The following FOXP1 variants were observed in gnomAD, a reference collection of about 807,000 sequenced individuals.
FOXP1 encodes forkhead box protein P1.
A neutral mutation model predicts 98.2 loss-of-function variants in FOXP1; 15 were observed. The observed-to-expected ratio is 0.15, with a 90% confidence interval of 0.10 to 0.24. The LOEUF is 0.24. FOXP1 is among the 10% of genes least tolerant of loss of function. The pLI is 1.00. For missense variants in FOXP1, 633 were observed against 848.5 expected (o/e 0.75, Z 3.15); for synonymous variants, 371 against 314.5 (o/e 1.18, Z -1.90).
At chr3:71,071,022 C>T (rs2053160675) in intron 7 of FOXP1, among the ~76,000 whole-genome samples, 1 of 152,176 alleles carries the variant, frequency 6.6e-6, no homozygotes, top group South Asian at 2.1e-4. Context: ...GGCATAGAAG[C>T]TGCTACACAG....
chr3:71,424,029 A>G (rs1371854800), intron 3 of FOXP1, among the ~76,000 whole-genome samples: 2 of 152,196 alleles, frequency 1.3e-5, no homozygotes, highest in African/African-American at 4.8e-5. Flanking sequence ...CTTGGCTTCA[A>G]GTGGTCTTCC....
At chr3:71,026,377 C>G (rs188799391) in intron 11 of FOXP1, among the ~76,000 whole-genome samples, 15 of 152,224 alleles carry the variant, frequency 9.9e-5, no homozygotes, top group Admixed American at 8.5e-4. Flanking sequence ...CCTTGAGGAT[C>G]CAGTCTGTAG....
chr3:71,126,476 G>A (rs1429238907), intron 6 of FOXP1, among the ~76,000 whole-genome samples: 1 of 151,910 alleles, frequency 6.6e-6, no homozygotes, highest in African/African-American at 2.4e-5. Context: ...GCCACAGAGT[G>A]AGACTCTGTC....
At chr3:71,473,818 C>T (rs1166304395) in intron 3 of FOXP1, among the ~76,000 whole-genome samples, 1 of 152,056 alleles carries the variant, frequency 6.6e-6, no homozygotes, top group African/African-American at 2.4e-5. Flanking sequence ...AAAATAAATA[C>T]CCTGCAAGCT....
chr3:71,033,381 C>T (rs1424562177), intron 11 of FOXP1, among the ~76,000 whole-genome samples: 1 of 151,960 alleles, frequency 6.6e-6, no homozygotes, highest in Non-Finnish European at 1.5e-5. Context: ...TCAAATCAAC[C>T]AAATTTAAGA....
intron 6 of FOXP1, among the ~76,000 whole-genome samples, chr3:71,181,244 C>G (rs1340607348): frequency 5.3e-5 from 8 of 152,198 alleles, no homozygotes; most frequent in Non-Finnish European, 8.8e-5. Context: ...CAACTTGATT[C>G]CCTCCTGACC....
At chr3:71,236,277 G>C (rs2066765222) in intron 5 of FOXP1, among the ~76,000 whole-genome samples, 1 of 152,138 alleles carries the variant, frequency 6.6e-6, no homozygotes, top group Non-Finnish European at 1.5e-5. Flanking sequence ...ACAATGGAAG[G>C]GATTACCTCT....
chr3:71,189,132 A>G (rs2062821659), intron 6 of FOXP1, among the ~76,000 whole-genome samples: 1 of 152,234 alleles, frequency 6.6e-6, no homozygotes, highest in Admixed American at 6.5e-5. Flanking sequence ...TGAGTCTTCC[A>G]ATAGCACCAG....
At chr3:70,980,629 CACTA>C (rs2038668766) in intron 14 of FOXP1, among the ~76,000 whole-genome samples, 2 of 152,178 alleles carry the variant, frequency 1.3e-5, no homozygotes, top group South Asian at 4.1e-4. Flanking sequence ...CAAAAATGAA[CACTA>C]ACCAGTTTCA....
At chr3:71,041,199 C>G in intron 11 of FOXP1, 129 bp downstream of exon 11, 1 of 775,552 alleles carries the variant, frequency 1.3e-6, no homozygotes, top group Non-Finnish European at 2.3e-6. Flanking sequence ...GAATACATTC[C>G]TCAGTAATTA....
chr3:71,376,221 G>A (rs1336959956), intron 3 of FOXP1, among the ~76,000 whole-genome samples: 3 of 152,074 alleles, frequency 2.0e-5, no homozygotes, highest in Admixed American at 1.3e-4. Flanking sequence ...AACCACTGGA[G>A]TAAGATTAAT....
At chr3:71,389,861 T>TAA (rs536621333) in intron 3 of FOXP1, among the ~76,000 whole-genome samples, 6 of 137,640 alleles carry the variant, frequency 4.4e-5, no homozygotes, top group Admixed American at 7.3e-5. Context: ...ATTCTGTCTT[T>TAA]AAAAAAAAAA....
intron 3 of FOXP1, among the ~76,000 whole-genome samples, chr3:71,373,552 TA>T (rs1216916980): frequency 2.0e-5 from 3 of 152,142 alleles, no homozygotes; most frequent in South Asian, 2.1e-4. Context: ...TCTATAGTTA[TA>T]AAAAAATCAT....
chr3:71,422,032 G>A (rs1700916987), intron 3 of FOXP1, among the ~76,000 whole-genome samples: 1 of 152,180 alleles, frequency 6.6e-6, no homozygotes, highest in African/African-American at 2.4e-5. Flanking sequence ...AAGACAGTCT[G>A]CAGTCACCCC....
At chr3:71,534,982 G>C (rs1236836542) in intron 2 of FOXP1, among the ~76,000 whole-genome samples, 1 of 152,172 alleles carries the variant, frequency 6.6e-6, no homozygotes, top group East Asian at 1.9e-4. Flanking sequence ...CTTGAAATTG[G>C]GAGTGTGATC....
intron 7 of FOXP1, among the ~76,000 whole-genome samples, chr3:71,091,333 T>C (rs890611088): frequency 6.6e-6 from 1 of 151,726 alleles, no homozygotes; most frequent in Non-Finnish European, 1.5e-5. Flanking sequence ...CTACTAAAAA[T>C]ACAAATAAAA....
chr3:71,248,389 G>A (rs952715058), intron 5 of FOXP1, among the ~76,000 whole-genome samples: 1 of 152,090 alleles, frequency 6.6e-6, no homozygotes, highest in African/African-American at 2.4e-5. Context: ...AAAGAAGTCA[G>A]GACCCACAGT....
intron 11 of FOXP1, among the ~76,000 whole-genome samples, chr3:71,034,941 A>G (rs1249108106): frequency 6.6e-6 from 1 of 152,158 alleles, no homozygotes; most frequent in Non-Finnish European, 1.5e-5. Context: ...CCTTAACTAC[A>G]GCCCTGACTT....
chr3:71,290,580 T>C (rs964242770), intron 5 of FOXP1, among the ~76,000 whole-genome samples: 1 of 152,170 alleles, frequency 6.6e-6, no homozygotes, highest in Non-Finnish European at 1.5e-5. Context: ...TTAAAAAGCA[T>C]GAGTGAGATC....
Sources: allele counts gnomAD v4.1 joint callset (sites outside exome capture counted in the v4.1 genomes callset), GRCh38; gene constraint gnomAD v4.1.1; transcripts MANE v1.5; gene names NCBI Gene and HGNC (gene_info 2026-07-23, HGNC 2026-07-21).